The following FSTL4 variants were observed in gnomAD, a reference collection of about 807,000 sequenced individuals.
FSTL4 encodes the protein follistatin like 4, also known as follistatin-related protein 4.
A neutral mutation model predicts 78.2 loss-of-function variants in FSTL4; 28 were observed. The observed-to-expected ratio is 0.36, with a 90% confidence interval of 0.27 to 0.49. The LOEUF (loss-of-function observed/expected upper bound fraction) is 0.49. FSTL4 is among the 20% of genes least tolerant of loss of function. FSTL4 has a pLI of 0.98. For missense variants in FSTL4, 922 were observed against 1,084.9 expected (o/e 0.85, Z 2.11); for synonymous variants, 422 against 440.5 (o/e 0.96, Z 0.53).
the FSTL4 span, among the ~76,000 whole-genome samples, chr5:133,634,976 A>G: frequency 1.3e-5 from 2 of 152,126 alleles, no homozygotes; most frequent in Non-Finnish European, 2.9e-5. Flanking sequence ...TAGACTCCAG[A>G]CAATAGGATC....
chr5:133,675,501 C>G, the FSTL4 span, among the ~76,000 whole-genome samples: 21 of 152,192 alleles, frequency 1.4e-4, no homozygotes, highest in Non-Finnish European at 8.8e-5. Flanking sequence ...ACCACTCTGC[C>G]CCAACACCAG....
chr5:133,643,650 G>A, the FSTL4 span, among the ~76,000 whole-genome samples: 1 of 152,158 alleles, frequency 6.6e-6, no homozygotes, highest in Non-Finnish European at 1.5e-5. Flanking sequence ...ACCCCAGACA[G>A]ATGCTCCTTG....
chr5:133,645,113 G>A, the FSTL4 span, among the ~76,000 whole-genome samples: 17 of 151,916 alleles, frequency 1.1e-4, no homozygotes, highest in South Asian at 3.5e-3. Context: ...CTCTCTTATT[G>A]AAATCTCTTC....
the FSTL4 span, among the ~76,000 whole-genome samples, chr5:133,818,664 C>T: frequency 1.3e-5 from 2 of 151,884 alleles, no homozygotes; most frequent in Admixed American, 1.3e-4. Context: ...CATAATCTTC[C>T]AAACCACAGA....
At chr5:133,263,551 C>T (rs1178757690) in intron 6 of FSTL4, among the ~76,000 whole-genome samples, 1 of 152,118 alleles carries the variant, frequency 6.6e-6, no homozygotes, top group Non-Finnish European at 1.5e-5. Context: ...GGCTTGGCAA[C>T]ACAGAGGTCA....
intron 4 of FSTL4, chr5:133,387,945 T>G (rs766608048): frequency 6.6e-6 from 1 of 152,258 alleles, no homozygotes; most frequent in African/African-American, 2.4e-5. Context: ...GGAACAGCCA[T>G]GGACACTTGT....
chr5:133,723,621 C>T, the FSTL4 span, among the ~76,000 whole-genome samples: 100 of 152,294 alleles, frequency 6.6e-4, 2 homozygotes, highest in African/African-American at 2.1e-3. Context: ...TATGGGGCTG[C>T]AAGTCCAATT....
chr5:133,694,136 C>T, the FSTL4 span, among the ~76,000 whole-genome samples: 1 of 152,214 alleles, frequency 6.6e-6, no homozygotes, highest in Non-Finnish European at 1.5e-5. Flanking sequence ...TATTCCCTCC[C>T]ATCCCCAGCA....
intron 3 of FSTL4, among the ~76,000 whole-genome samples, chr5:133,483,534 C>T (rs1758071250): frequency 6.6e-6 from 1 of 152,186 alleles, no homozygotes; most frequent in South Asian, 2.1e-4. Context: ...CGTGGATGGG[C>T]TAGTTATCAT....
chr5:133,221,890 A>AG (rs1561626604), intron 11 of FSTL4, among the ~76,000 whole-genome samples: 3 of 21,824 alleles, frequency 1.4e-4, no homozygotes, highest in East Asian at 3.0e-3. Flanking sequence ...TCTCTTTTCT[A>AG]GTTTTTTTTT....
At chr5:133,446,108 T>G (rs929849365) in intron 3 of FSTL4, among the ~76,000 whole-genome samples, 1 of 152,124 alleles carries the variant, frequency 6.6e-6, no homozygotes, top group Non-Finnish European at 1.5e-5. Flanking sequence ...CCACCCCTAT[T>G]TGGGGGCAGC....
At chr5:133,488,898 G>T (rs1165654334) in intron 3 of FSTL4, among the ~76,000 whole-genome samples, 1 of 152,116 alleles carries the variant, frequency 6.6e-6, no homozygotes, top group African/African-American at 2.4e-5. Flanking sequence ...TCTGGAGACT[G>T]CCCGTGAGAG....
the FSTL4 span, among the ~76,000 whole-genome samples, chr5:133,802,189 T>G: frequency 1.3e-5 from 2 of 152,212 alleles, no homozygotes; most frequent in African/African-American, 4.8e-5. Flanking sequence ...TGATTTTGTT[T>G]ACAATTAATC....
At chr5:133,444,008 C>T (rs1302734083) in intron 3 of FSTL4, among the ~76,000 whole-genome samples, 6 of 152,190 alleles carry the variant, frequency 3.9e-5, no homozygotes, top group Admixed American at 3.3e-4. Context: ...CTACACACCC[C>T]CTTCTTTTCC....
intron 6 of FSTL4, among the ~76,000 whole-genome samples, chr5:133,300,112 T>A (rs533794747): frequency 1.3e-5 from 2 of 152,186 alleles, no homozygotes; most frequent in Non-Finnish European, 2.9e-5. Context: ...ATTCTGTAAG[T>A]GCCCTAAGCC....
intron 8 of FSTL4, among the ~76,000 whole-genome samples, chr5:133,228,467 C>CA (rs1751399520): frequency 6.6e-6 from 1 of 151,918 alleles, no homozygotes; most frequent in Non-Finnish European, 1.5e-5. Context: ...GCAGAGAATG[C>CA]AAAAAAGACT....
At chr5:133,627,766 T>G in the FSTL4 span, among the ~76,000 whole-genome samples, 1 of 152,108 alleles carries the variant, frequency 6.6e-6, no homozygotes, top group African/African-American at 2.4e-5. Flanking sequence ...TACCATTTTA[T>G]TTTTTGTTCT....
chr5:133,612,064 C>T lies in FSTL4; in HGVS notation c.-11+261G>A, dbSNP rs1435111986. 6.6e-6 allele frequency among the ~76,000 whole-genome samples: 1 copy of T among 152,092 alleles called. No homozygotes were observed. The highest frequency in any genetic ancestry group is 1.5e-5 in the Non-Finnish European group (1 of 67,980). ...CCCACCGTAGACCCCGGCCACGAGC[C>T]TCGGCGTCCCAGCCTCTCCTCGAGT... On this transcript the variant is annotated intron_variant, in intron 1 of 15. Transcript: ENST00000265342. This position sits in a 1 kb window ranked among gnomAD's most constrained non-coding sequence, Gnocchi z 6.2.
At chr5:133,558,255 G>A (rs1435941593) in intron 3 of FSTL4, among the ~76,000 whole-genome samples, 1 of 152,186 alleles carries the variant, frequency 6.6e-6, no homozygotes, top group Non-Finnish European at 1.5e-5. Flanking sequence ...CTTTCCAGAG[G>A]AGTCATTTCT....
Sources: allele counts gnomAD v4.1 joint callset (sites outside exome capture counted in the v4.1 genomes callset), GRCh38; gene constraint gnomAD v4.1.1; non-coding constraint Gnocchi (gnomAD v3.1); transcripts MANE v1.5; gene names NCBI Gene and HGNC (gene_info 2026-07-23, HGNC 2026-07-21).